Variants in DLG2 observed in about 807,000 individuals in gnomAD.
DLG2 encodes the protein discs large MAGUK scaffold protein 2, also known as disks large homolog 2.
Under a neutral mutation model 132.5 loss-of-function variants are expected in DLG2, and 45 were observed. The ratio of observed to expected loss-of-function variants is 0.34; its 90% CI spans 0.27 to 0.44. The LOEUF is 0.44. Among genes scored for constraint, DLG2 ranks in the 20% least tolerant of loss-of-function variants. The pLI is 1.00. For synonymous variants in DLG2, 424 were observed against 419.6 expected (o/e 1.01, Z -0.13); for missense variants, 1,045 against 1,196.9 (o/e 0.87, Z 1.87).
chr11:84,453,335 T>A (rs567473646), intron 7 of DLG2, among the ~76,000 whole-genome samples: 1 of 151,702 alleles, frequency 6.6e-6, no homozygotes, highest in Non-Finnish European at 1.5e-5. Context: ...GTAAATCCTA[T>A]GAAATCAATA....
At chr11:85,018,069 T>C (rs1278437418) in intron 6 of DLG2, among the ~76,000 whole-genome samples, 1 of 152,184 alleles carries the variant, frequency 6.6e-6, no homozygotes, top group Non-Finnish European at 1.5e-5. Context: ...TTTAACTTCT[T>C]ATAATGATGC....
At chr11:84,624,006 T>C (rs2099618109) in intron 6 of DLG2, among the ~76,000 whole-genome samples, 1 of 152,238 alleles carries the variant, frequency 6.6e-6, no homozygotes, top group African/African-American at 2.4e-5. Flanking sequence ...TAATATGTAC[T>C]CAGGGATTAT....
intron 6 of DLG2, among the ~76,000 whole-genome samples, chr11:84,884,361 A>T (rs1299922651): frequency 6.6e-6 from 1 of 152,108 alleles, no homozygotes; most frequent in African/African-American, 2.4e-5. Context: ...TATGGTCTCT[A>T]AGTAACCACT....
chr11:84,869,998 T>C (rs1236516592), intron 6 of DLG2, among the ~76,000 whole-genome samples: 1 of 152,190 alleles, frequency 6.6e-6, no homozygotes, highest in African/African-American at 2.4e-5. Flanking sequence ...AGGACTCAAT[T>C]CCACTGGCTT....
At chr11:83,768,056 A>T (rs1459773220) in intron 18 of DLG2, among the ~76,000 whole-genome samples, 2 of 152,194 alleles carry the variant, frequency 1.3e-5, no homozygotes, top group Non-Finnish European at 2.9e-5. Context: ...TAAGCCCATT[A>T]TATCCATAAT....
intron 8 of DLG2, among the ~76,000 whole-genome samples, chr11:84,244,784 A>C (rs1328803365): frequency 6.6e-6 from 1 of 152,252 alleles, no homozygotes; most frequent in Non-Finnish European, 1.5e-5. Context: ...AGATAAATGT[A>C]CTAAAATCAG....
At chr11:84,502,343 TTTCTTTC>T in intron 7 of DLG2, among the ~76,000 whole-genome samples, 1 of 41,838 alleles carries the variant, frequency 2.4e-5, no homozygotes, top group Non-Finnish European at 4.2e-5. Context: ...TCTTTCTTTC[TTTCTTTC>T]TTTCTTTCTT....
At chr11:84,457,925 T>C (rs1449364134) in intron 7 of DLG2, among the ~76,000 whole-genome samples, 1 of 150,920 alleles carries the variant, frequency 6.6e-6, no homozygotes, top group Non-Finnish European at 1.5e-5. Flanking sequence ...TTTTTTCTAA[T>C]TTTTTAACTG....
chr11:84,551,848 G>A (rs1262111231), intron 6 of DLG2, among the ~76,000 whole-genome samples: 1 of 152,166 alleles, frequency 6.6e-6, no homozygotes, highest in African/African-American at 2.4e-5. Context: ...TTGGGAGAAA[G>A]TATAAATAGA....
chr11:84,809,283 CA>C (rs1475715032), intron 6 of DLG2, among the ~76,000 whole-genome samples: 1 of 151,814 alleles, frequency 6.6e-6, no homozygotes, highest in Non-Finnish European at 1.5e-5. Flanking sequence ...GAAACTTTCT[CA>C]ACTCAATAAA....
intron 6 of DLG2, among the ~76,000 whole-genome samples, chr11:84,600,159 G>GGAAAGAAGGAAAGAAGGAAAGAAAGAAA (rs1555082762): frequency 1.0e-5 from 1 of 96,102 alleles, no homozygotes; most frequent in African/African-American, 4.3e-5. Context: ...AAAGAAAGAA[G>GGAAAGAAGGAAAGAAGGAAAGAAAGAAA]GAAAGAAAGA....
At chr11:84,107,624 C>A (rs952740232) in intron 9 of DLG2, among the ~76,000 whole-genome samples, 9 of 151,940 alleles carry the variant, frequency 5.9e-5, no homozygotes, top group Non-Finnish European at 1.3e-4. Context: ...CATAACTCAG[C>A]CATGGGTAGG....
intron 3 of DLG2, among the ~76,000 whole-genome samples, chr11:85,532,355 A>G (rs769954965): frequency 4.4e-4 from 67 of 152,218 alleles, no homozygotes; most frequent in Non-Finnish European, 8.7e-4. Context: ...TTCCAAGACT[A>G]GTTTCCCTCA....
chr11:83,729,545 C>A (rs1203097803), intron 18 of DLG2, among the ~76,000 whole-genome samples: 1 of 152,146 alleles, frequency 6.6e-6, no homozygotes, highest in East Asian at 1.9e-4. Flanking sequence ...ATGTGGAGGA[C>A]CTTCCAAAAT....
chr11:84,574,273 A>G (rs1454079331), intron 6 of DLG2, among the ~76,000 whole-genome samples: 1 of 152,124 alleles, frequency 6.6e-6, no homozygotes, highest in African/African-American at 2.4e-5. Flanking sequence ...TACAGAGTTT[A>G]TATCTTGAAA....
intron 3 of DLG2, among the ~76,000 whole-genome samples, chr11:85,314,470 T>C (rs1354758902): frequency 2.0e-5 from 3 of 151,832 alleles, no homozygotes; most frequent in Non-Finnish European, 2.9e-5. Context: ...AACATACATA[T>C]ATATTATACA....
intron 12 of DLG2, among the ~76,000 whole-genome samples, chr11:83,968,606 T>C (rs531627890): frequency 1.3e-5 from 2 of 152,332 alleles, no homozygotes; most frequent in Middle Eastern, 3.4e-3. Context: ...TTTACATATA[T>C]TAACACAATC....
chr11:84,617,079 C>T (rs1014750719), intron 6 of DLG2, among the ~76,000 whole-genome samples: 2 of 151,512 alleles, frequency 1.3e-5, no homozygotes, highest in Non-Finnish European at 2.9e-5. Context: ...TGGTTTGATG[C>T]ACCCATCAAC....
intron 3 of DLG2, among the ~76,000 whole-genome samples, chr11:85,415,822 G>T (rs947602912): frequency 2.0e-5 from 3 of 151,980 alleles, no homozygotes; most frequent in Non-Finnish European, 4.4e-5. Context: ...TCTGATGATA[G>T]TATCTATCAT....
Sources: allele counts gnomAD v4.1 joint callset (sites outside exome capture counted in the v4.1 genomes callset), GRCh38; gene constraint gnomAD v4.1.1; transcripts MANE v1.5; gene names NCBI Gene and HGNC (gene_info 2026-07-23, HGNC 2026-07-21).